The following PSME4 variants were observed in gnomAD, a reference collection of about 807,000 sequenced individuals.
PSME4 encodes proteasome activator subunit 4.
A neutral mutation model predicts 253.9 loss-of-function variants in PSME4; 89 were observed. The ratio of observed to expected loss-of-function variants is 0.35; its 90% CI spans 0.30 to 0.42. The LOEUF (loss-of-function observed/expected upper bound fraction) is 0.42. Ranked by LOEUF, PSME4 falls within the 10% of genes least tolerant of loss-of-function variation. The probability of loss-of-function intolerance (pLI) is 1.00; values close to 1 mark genes in which losing one functional copy is unlikely to be tolerated. For synonymous variants in PSME4, 851 were observed against 759.2 expected (o/e 1.12, Z -1.99); for missense variants, 2,014 against 2,195.2 (o/e 0.92, Z 1.65).
intron 20 of PSME4, among the ~76,000 whole-genome samples, chr2:53,915,280 A>G (rs1668005690): frequency 1.3e-5 from 2 of 152,156 alleles, no homozygotes; most frequent in African/African-American, 4.8e-5. Flanking sequence ...ATCTCCACAA[A>G]AAATACAAAA....
At chr2:53,919,334 G>C in intron 19 of PSME4, 88 bp from the exon 20 acceptor site, 2 of 1,412,812 alleles carry the variant, frequency 1.4e-6, no homozygotes, top group African/African-American at 3.0e-5. Context: ...TCTCACGTGG[G>C]GATATAAATG....
chr2:53,962,140 T>C (rs6745639), intron 1 of PSME4, among the ~76,000 whole-genome samples: 2,427 of 151,482 alleles, frequency 0.016, 40 homozygotes, highest in African/African-American at 0.036. Context: ...ATAAAGTACA[T>C]TGATTTCTTC....
intron 27 of PSME4, 82 bp downstream of exon 27, chr2:53,903,943 T>C: frequency 1.8e-6 from 2 of 1,125,768 alleles, no homozygotes; most frequent in South Asian, 1.6e-5. Flanking sequence ...GTGAAGAAGA[T>C]ATGGATGTTT....
At chr2:53,890,774 T>C (rs945360240) in intron 36 of PSME4, among the ~76,000 whole-genome samples, 3 of 151,918 alleles carry the variant, frequency 2.0e-5, no homozygotes, top group Non-Finnish European at 2.9e-5. Flanking sequence ...CTGCCTGTAA[T>C]CCGAGAACTT....
At position 53,949,205 on chromosome 2, in the gene PSME4, T is replaced by C; in HGVS notation, c.321A>G (p.Ser107=). 3 of 1,612,416 alleles carry C rather than the reference T, an allele frequency of 1.9e-6. No homozygotes were observed. The highest frequency in any genetic ancestry group is 1.6e-4 in the Middle Eastern group (1 of 6,062). Residue 107 remains serine, a synonymous_variant, in exon 2 of 47, where the codon TCA becomes TCG. Transcript: ENST00000404125. The part of the protein sequence containing the change: ...LFIKLLYELV[S]IPKLEISMMQ... ...TCATGCTGATTTCCAGTTTTGGAAT[T>C]GATACCAGCTCATACAATAACTTAA...
chr2:53,968,274 C>CAA (rs575802007), intron 1 of PSME4, among the ~76,000 whole-genome samples: 71 of 95,164 alleles, frequency 7.5e-4, no homozygotes, highest in South Asian at 2.7e-3. Flanking sequence ...GACTCCACCT[C>CAA]AAAAAAAAAA....
intron 1 of PSME4, among the ~76,000 whole-genome samples, chr2:53,965,032 T>C (rs1670650114): frequency 6.6e-6 from 1 of 151,968 alleles, no homozygotes. Flanking sequence ...GAATCTAAAT[T>C]TGCTTCATCT....
At chr2:53,960,811 G>A (rs1280729833) in intron 1 of PSME4, among the ~76,000 whole-genome samples, 4 of 152,098 alleles carry the variant, frequency 2.6e-5, no homozygotes, top group African/African-American at 9.7e-5. Context: ...CACCTGGTTT[G>A]AAAACCACTG....
intron 3 of PSME4, among the ~76,000 whole-genome samples, chr2:53,943,840 C>A (rs1242541065): frequency 9.1e-5 from 11 of 120,814 alleles, no homozygotes; most frequent in African/African-American, 3.5e-4. Flanking sequence ...AAAAAAAACT[C>A]CATCTCAAAA....
At chr2:53,915,687 G>A (rs549760763) in intron 20 of PSME4, among the ~76,000 whole-genome samples, 59 of 151,812 alleles carry the variant, frequency 3.9e-4, no homozygotes, top group African/African-American at 1.4e-3. Flanking sequence ...TACACACACG[G>A]CAATCTTAAT....
At chr2:53,934,760 A>G in intron 7 of PSME4, 33 bp from the exon 8 acceptor site, 1 of 1,487,618 alleles carries the variant, frequency 6.7e-7, no homozygotes, top group Non-Finnish European at 9.3e-7. Flanking sequence ...AAGGATATTT[A>G]CAGGTATCAA....
At position 53,908,774 on chromosome 2, in the gene PSME4, A is replaced by T; in HGVS notation, c.2629+10T>A. 10 of 1,582,086 alleles carry T rather than the reference A, an allele frequency of 6.3e-6. No individual in the cohort carries two copies. The highest frequency in any genetic ancestry group is 8.7e-6 in the Non-Finnish European group (10 of 1,154,666). ...AAGTACAAATAAGTTAAATGTACAG[A>T]TACACTTACTAAGAAGTTTCCTTAT... On this transcript the variant is annotated intron_variant, in intron 22 of 46. Transcript: ENST00000404125.
Position 53,869,375 on chromosome 2 carries a change from CCTG to C in PSME4, c.5261_5263del (p.Ala1754del). On this transcript the variant is annotated inframe_deletion and splice_region_variant, in exon 44 of 47. Coordinates refer to ENST00000404125, the MANE Select transcript of PSME4 (RefSeq NM_014614.3). ...CAGGTGTTTCCTACCAGCAATGTTA[CCTG>C]CAGAAGGAATGGTATCTCCTACAGA... 1 of 1,601,750 alleles carries C rather than the reference CCTG, an allele frequency of 6.2e-7. No individual in the cohort carries two copies. Among genetic ancestry groups the C allele is most frequent in the Non-Finnish European group, 8.5e-7 (1 of 1,171,116 alleles).
rs538903846 is a variant in PSME4, at chr2:53,916,483, T to A, written c.2516+2668A>T. On this transcript the variant is annotated intron_variant, in intron 20 of 46. Transcript: ENST00000404125. ...CTATGGAGCAACTAATGTGCTAAGT[T>A]AATTCTCTTTCTCTACTAGTTTCAA... 6.6e-5 allele frequency among the ~76,000 whole-genome samples: 10 copies of A among 152,306 alleles called. No homozygotes were observed. The East Asian group carries it at 1.9e-3, about 29-fold the overall frequency.
Position 53,940,958 on chromosome 2 carries a change from TATATATATATATA to T in PSME4, c.501-971_501-959del, listed in dbSNP as rs1669399083. Among the ~76,000 whole-genome samples the T allele has an allele frequency of 1.9e-3, 92 of 49,622 alleles. 6 individuals are homozygous for T. The highest frequency in any genetic ancestry group is 5.8e-3 in the South Asian group (7 of 1,198). 32.6% of individuals were successfully genotyped at this position (49,622 alleles called of 152,430 possible). On this transcript the variant is annotated intron_variant, in intron 3 of 46. Transcript: ENST00000404125. ...ATATATAAATATATATATACATATA[TATATATATATATA>T]TATATATATATATATATATATATAT...
chr2:53,945,062 C>T (rs1669639262), intron 3 of PSME4, among the ~76,000 whole-genome samples: 1 of 152,076 alleles, frequency 6.6e-6, no homozygotes, highest in South Asian at 2.1e-4. Context: ...ACCTTTACTA[C>T]CACCCACAAA....
At chr2:53,917,495 A>G (rs1558681228) in intron 20 of PSME4, among the ~76,000 whole-genome samples, 3 of 152,180 alleles carry the variant, frequency 2.0e-5, no homozygotes. Flanking sequence ...TGGCATCAAG[A>G]TACAGGCTGA....
chr2:53,901,430 T>G lies in PSME4; in HGVS notation c.3205A>C (p.Lys1069Gln). Residue 1069 changes from lysine (K) to glutamine (Q), a missense_variant, in exon 28 of 47, where the codon AAG becomes CAG. Transcript: ENST00000404125. ...TCAAACAATCTCACTATTGATGGCTTTTCCAGGGACATTGCTTGGCTAAGC... is the reference window on the plus strand; with the variant it reads ...TCAAACAATCTCACTATTGATGGCTGTTCCAGGGACATTGCTTGGCTAAGC... ...SGLSQAMSLE[K>Q]PSIVRLFDDL... 6 of 1,614,196 alleles carry G rather than the reference T, an allele frequency of 3.7e-6. No individual in the cohort carries two copies. The highest frequency in any genetic ancestry group is 5.1e-6 in the Non-Finnish European group (6 of 1,180,034).
intron 6 of PSME4, 102 bp downstream of exon 6, chr2:53,936,659 TTAC>T: frequency 3.9e-6 from 3 of 777,302 alleles, no homozygotes; most frequent in Middle Eastern, 5.0e-4. Context: ...TTCAAGTTAC[TTAC>T]CAAATGATCT....
Sources: allele counts gnomAD v4.1 joint callset (sites outside exome capture counted in the v4.1 genomes callset), GRCh38; gene constraint gnomAD v4.1.1; transcripts MANE v1.5; gene names NCBI Gene and HGNC (gene_info 2026-07-23, HGNC 2026-07-21).